The following ASAP2 variants were observed in gnomAD, a reference collection of about 807,000 sequenced individuals.
The protein encoded by ASAP2 is ArfGAP with SH3 domain, ankyrin repeat and PH domain 2.
Under a neutral mutation model 131.4 loss-of-function variants are expected in ASAP2, and 45 were observed. The observed-to-expected ratio is 0.34, with a 90% CI of 0.27 to 0.44. The LOEUF (loss-of-function observed/expected upper bound fraction) is 0.44. Among genes scored for constraint, ASAP2 ranks in the 20% least tolerant of loss-of-function variants. The probability of loss-of-function intolerance (pLI) is 1.00; values close to 1 mark genes in which losing one functional copy is unlikely to be tolerated. For synonymous variants in ASAP2, 510 were observed against 503.0 expected, an observed-to-expected ratio of 1.01 and a Z score of -0.19; for missense variants, 1,011 against 1,297.0, an observed-to-expected ratio of 0.78 and a Z score of 3.39.
intron 3 of ASAP2, among the ~76,000 whole-genome samples, chr2:9,312,311 G>A (rs535488318): frequency 2.0e-5 from 3 of 152,216 alleles, no homozygotes; most frequent in South Asian, 4.2e-4. Context: ...GAGAAAAACC[G>A]TGAATGAAAC....
chr2:9,297,277 G>C (rs776583391), intron 2 of ASAP2, 23 bp from the exon 3 acceptor site: 13 of 1,609,782 alleles, frequency 8.1e-6, no homozygotes, highest in Non-Finnish European at 1.1e-5. Flanking sequence ...GAGACTCACA[G>C]CACCTCCGTC....
At chr2:9,402,930 T>C (rs890711112) in intron 27 of ASAP2, among the ~76,000 whole-genome samples, 1 of 152,186 alleles carries the variant, frequency 6.6e-6, no homozygotes, top group African/African-American at 2.4e-5. Context: ...CATTCATTCA[T>C]TGAAAAATGG....
At chr2:9,358,668 C>A in intron 14 of ASAP2, 88 bp from the exon 15 acceptor site, 1 of 1,484,402 alleles carries the variant, frequency 6.7e-7, no homozygotes, top group Admixed American at 2.1e-5. Context: ...CTCAGAACTG[C>A]TTGTTCAGTA....
intron 15 of ASAP2, among the ~76,000 whole-genome samples, chr2:9,360,151 G>A (rs1171013902): frequency 6.6e-6 from 1 of 152,166 alleles, no homozygotes; most frequent in African/African-American, 2.4e-5. Context: ...TATGGCAGTT[G>A]TTTCTTTTAC....
At chr2:9,214,799 G>C (rs554233970) in intron 1 of ASAP2, among the ~76,000 whole-genome samples, 1 of 141,676 alleles carries the variant, frequency 7.1e-6, no homozygotes, top group East Asian at 2.0e-4. Context: ...AAAAAAAAAA[G>C]TGAACAGGAC....
At chr2:9,208,969 A>G (rs1318291814) in intron 1 of ASAP2, among the ~76,000 whole-genome samples, 1 of 151,732 alleles carries the variant, frequency 6.6e-6, no homozygotes, top group Non-Finnish European at 1.5e-5. Flanking sequence ...TGGAAAGCCA[A>G]GCAAACAAGA....
chr2:9,263,879 AT>A (rs556087973), intron 1 of ASAP2, among the ~76,000 whole-genome samples: 7 of 151,766 alleles, frequency 4.6e-5, no homozygotes, highest in Admixed American at 3.9e-4. Flanking sequence ...TTTTTTCTCC[AT>A]TTTTTTCCCT....
In ASAP2 at chr2:9,379,022, C is replaced by G. The variant is rs765000563; in HGVS notation, c.1911C>G (p.Leu637=). 8.2e-6 allele frequency: 13 copies of G among 1,578,656 alleles called. No individual in the cohort carries two copies. Among genetic ancestry groups the G allele is most frequent in the Non-Finnish European group, 1.1e-5 (13 of 1,161,874 alleles). ...GCCTGACCGACAATGCCGAGTGCCTCAAGTTGCTCCTGCGGGGGAAGGCCT... is the reference window on the plus strand; with the variant it reads ...GCCTGACCGACAATGCCGAGTGCCTGAAGTTGCTCCTGCGGGGGAAGGCCT... The part of the protein sequence containing the change: ...YCCLTDNAEC[L]KLLLRGKASI... The change falls in exon 19 of 28, where the codon CTC becomes CTG. Residue 637 remains leucine (L), a synonymous_variant. Coordinates refer to ENST00000281419, the MANE Select transcript of ASAP2 (RefSeq NM_003887.3).
intron 15 of ASAP2, among the ~76,000 whole-genome samples, chr2:9,367,874 T>C (rs889868122): frequency 1.3e-5 from 2 of 152,212 alleles, no homozygotes; most frequent in South Asian, 4.1e-4. Flanking sequence ...GTTTACTGTT[T>C]TCACCTAAAT....
chr2:9,291,934 C>T (rs1335298111), intron 2 of ASAP2, among the ~76,000 whole-genome samples: 1 of 151,950 alleles, frequency 6.6e-6, no homozygotes, highest in Non-Finnish European at 1.5e-5. Flanking sequence ...AGGCTAAGAG[C>T]TGAAGATAGC....
chr2:9,267,640 T>TAA (rs1475143753), intron 1 of ASAP2, among the ~76,000 whole-genome samples: 37 of 152,298 alleles, frequency 2.4e-4, no homozygotes, highest in African/African-American at 8.9e-4. Context: ...CTCATGCCTG[T>TAA]AATCCCAGCA....
chr2:9,381,095 C>T (rs1294106978), intron 20 of ASAP2, among the ~76,000 whole-genome samples: 1 of 152,200 alleles, frequency 6.6e-6, no homozygotes, highest in African/African-American at 2.4e-5. Flanking sequence ...GGAACAGAGG[C>T]CCGAGGCCAC....
chr2:9,401,482 G>A, intron 27 of ASAP2, 86 bp downstream of exon 27: 1 of 1,522,580 alleles, frequency 6.6e-7, no homozygotes. Context: ...TGCAGGTGAG[G>A]TTTTCTCAGC....
chr2:9,344,603 G>A lies in ASAP2; in HGVS notation c.921G>A (p.Glu307=). 1 of 1,614,204 alleles carries A rather than the reference G, an allele frequency of 6.2e-7. No individual in the cohort carries two copies. The highest frequency in any genetic ancestry group is 1.3e-5 in the African/African-American group (1 of 75,066). ...AGGGAAACAAGGAACATGGGACCGA[G>A]CGGAACGGCAGCCTCTACAAGAAGA... ...QPQGNKEHGT[E]RNGSLYKKSD... Residue 307 remains glutamate, a synonymous_variant, in exon 10 of 28, where the codon GAG becomes GAA. Transcript: ENST00000281419.
Position 9,231,474 on chromosome 2 carries a change from CGCTGAGAT to C in ASAP2, c.126+24247_126+24254del, listed in dbSNP as rs1196140333. 1.2e-4 allele frequency among the ~76,000 whole-genome samples: 19 copies of C among 152,360 alleles called. No homozygotes were observed. In the South Asian group the frequency reaches 3.9e-3, roughly 32 times the overall value. The stretch of plus-strand genomic sequence containing the variant: ...CATGACTCGGTACCTGCTACCCGTT[CGCTGAGAT>C]GCCAGTGAGCAGTCGCTGGTCATGT... On this transcript the variant is annotated intron_variant, in intron 1 of 27. Transcript: ENST00000281419.
chr2:9,334,749 A>T lies in ASAP2; in HGVS notation c.698A>T (p.Asp233Val). 3 of 1,613,430 alleles carry T rather than the reference A, an allele frequency of 1.9e-6. No individual in the cohort carries two copies. The highest frequency in any genetic ancestry group is 2.5e-6 in the Non-Finnish European group (3 of 1,179,794). ...YFHAQCNFFQ[D>V]GLKAVESLKP... ...CTTTTTCCTGCTAGTTTTTTTCAGG[A>T]TGGACTCAAAGCCGTGGAAAGCCTC... Residue 233 changes from aspartate (D) to valine (V), a missense_variant, in exon 8 of 28, where the codon GAT becomes GTT. By Grantham distance (152) the Asp-to-Val change is radical. Transcript: ENST00000281419.
intron 1 of ASAP2, among the ~76,000 whole-genome samples, chr2:9,276,686 C>T (rs550115121): frequency 1.3e-5 from 2 of 152,162 alleles, no homozygotes; most frequent in East Asian, 3.9e-4. Flanking sequence ...TACAGGCACA[C>T]CCACCAACAC....
chr2:9,221,011 A>G (rs1227544059), intron 1 of ASAP2, among the ~76,000 whole-genome samples: 1 of 152,142 alleles, frequency 6.6e-6, no homozygotes, highest in Non-Finnish European at 1.5e-5. Flanking sequence ...ATTGATCTTT[A>G]TGCCTATCCT....
At chr2:9,386,829 C>T (rs1409031673) in intron 21 of ASAP2, among the ~76,000 whole-genome samples, 1 of 152,168 alleles carries the variant, frequency 6.6e-6, no homozygotes, top group African/African-American at 2.4e-5. Context: ...CACAATCATA[C>T]CTAGTTTAAT....
Sources: allele counts gnomAD v4.1 joint callset (sites outside exome capture counted in the v4.1 genomes callset), GRCh38; gene constraint gnomAD v4.1.1; transcripts MANE v1.5; gene names NCBI Gene and HGNC (gene_info 2026-07-23, HGNC 2026-07-21).